The following TMEM245 variants were observed in gnomAD, a reference collection of about 807,000 sequenced individuals.
TMEM245 encodes transmembrane protein 245.
Under a neutral mutation model 101.2 loss-of-function variants are expected in TMEM245, and 69 were observed. That is an observed-to-expected ratio of 0.68 (90% confidence interval 0.56 to 0.83). TMEM245 has a LOEUF of 0.83. Among genes scored for constraint, TMEM245 ranks in the 40% least tolerant of loss-of-function variants. The pLI is 0.00. For synonymous variants in TMEM245, 537 were observed against 449.8 expected (o/e 1.19, Z -2.45); for missense variants, 1,075 against 1,092.8 (o/e 0.98, Z 0.23).
intron 17 of TMEM245, among the ~76,000 whole-genome samples, chr9:109,026,548 G>A (rs1053660727): frequency 2.6e-5 from 4 of 151,428 alleles, no homozygotes; most frequent in Non-Finnish European, 4.4e-5. Context: ...AAGCCAGTGC[G>A]GCTGCACCTC....
intron 14 of TMEM245, among the ~76,000 whole-genome samples, chr9:109,049,513 C>A (rs1828607935): frequency 6.6e-6 from 1 of 151,752 alleles, no homozygotes; most frequent in Non-Finnish European, 1.5e-5. Context: ...CGCGCCCAGT[C>A]TGTTTTTTTG....
Position 109,033,333 on chromosome 9 carries a change from C to A in TMEM245, c.2568G>T (p.Gln856His). ...GCTGAGGCTGAGCAGGCCATGGGGTCTGGTTTGGCGTGGGAACTGAATTCG... is the reference window on the plus strand; with the variant it reads ...GCTGAGGCTGAGCAGGCCATGGGGTATGGTTTGGCGTGGGAACTGAATTCG... Reference protein sequence around the residue: ...SPTNSVPTPNQTPWPAQPQRT... With the variant: ...SPTNSVPTPNHTPWPAQPQRT... Residue 856 changes from glutamine (Q) to histidine (H), a missense_variant, in exon 17 of 18, where the codon CAG (glutamine) becomes CAT (histidine). Gln to His is a conservative substitution (Grantham distance 24). Around this residue, in one of 2 missense-constraint regions of TMEM245, gnomAD observed 267 missense variants for 351.3 expected, o/e 0.76. Transcript: ENST00000374586. 2 of 1,612,112 alleles carry A rather than the reference C, an allele frequency of 1.2e-6. No individual in the cohort carries two copies. The highest frequency in any genetic ancestry group is 1.7e-6 in the Non-Finnish European group (2 of 1,179,114).
intron 7 of TMEM245, among the ~76,000 whole-genome samples, chr9:109,085,455 T>C (rs1052285835): frequency 4.6e-5 from 7 of 152,288 alleles, no homozygotes; most frequent in African/African-American, 1.7e-4. Context: ...AAACACAAAA[T>C]TCGATGTCAC....
At chr9:109,103,064 T>C (rs1252927136) in intron 3 of TMEM245, among the ~76,000 whole-genome samples, 1 of 152,236 alleles carries the variant, frequency 6.6e-6, no homozygotes, top group Non-Finnish European at 1.5e-5. Context: ...AAATAATCTT[T>C]AAAAGCACAT....
In TMEM245 at chr9:109,119,548, G is replaced by A. The variant is rs767596481; in HGVS notation, c.366C>T (p.Ala122=). The A allele has an allele frequency of 6.5e-7, 1 of 1,533,830 alleles. No individual in the cohort carries two copies. The highest frequency in any genetic ancestry group is 1.2e-5 in the South Asian group (1 of 83,550). ...LHRAHTPIVL[A]ALLLPLCFVD... is the part of the protein sequence containing the mutation. ...CGAAGCAGAGCGGCAGGAGCAGCGC[G>A]GCCAGGACGATGGGCGTGTGCGCGC... Residue 122 remains alanine (A), a synonymous_variant, in exon 1 of 18, where the codon GCC becomes GCT. Coordinates refer to ENST00000374586, the MANE Select transcript of TMEM245 (RefSeq NM_032012.4).
intron 5 of TMEM245, among the ~76,000 whole-genome samples, chr9:109,088,076 T>C (rs1829892432): frequency 6.6e-6 from 1 of 152,200 alleles, no homozygotes; most frequent in African/African-American, 2.4e-5. Flanking sequence ...AAGAAGGTGG[T>C]AGGGCCAGAA....
intron 17 of TMEM245, among the ~76,000 whole-genome samples, chr9:109,032,807 C>CTTTTTTTTT: frequency 8.1e-6 from 1 of 123,162 alleles, no homozygotes; most frequent in Non-Finnish European, 1.7e-5. Flanking sequence ...CAATATAGGT[C>CTTTTTTTTT]TTTTTTTTTT....
chr9:109,085,104 A>G (rs1192021314), intron 7 of TMEM245, among the ~76,000 whole-genome samples: 2 of 152,184 alleles, frequency 1.3e-5, no homozygotes, highest in Non-Finnish European at 2.9e-5. Context: ...CTAGAGATTC[A>G]TTGAAATTAT....
chr9:109,101,023 A>G (rs1343576468), intron 3 of TMEM245, among the ~76,000 whole-genome samples: 1 of 152,148 alleles, frequency 6.6e-6, no homozygotes, highest in Non-Finnish European at 1.5e-5. Flanking sequence ...CGGAGGTGGG[A>G]GCACTGCTTG....
intron 3 of TMEM245, among the ~76,000 whole-genome samples, chr9:109,099,498 T>A (rs1247172775): frequency 6.6e-6 from 1 of 152,206 alleles, no homozygotes; most frequent in Non-Finnish European, 1.5e-5. Flanking sequence ...AGGCTGGGTA[T>A]CCAGGCTATT....
chr9:109,092,154 A>C (rs945378996), intron 4 of TMEM245, among the ~76,000 whole-genome samples: 1 of 152,142 alleles, frequency 6.6e-6, no homozygotes, highest in Non-Finnish European at 1.5e-5. Flanking sequence ...GCTCCACCAG[A>C]GCTAAGACCT....
At position 109,015,379 on chromosome 9, in the gene TMEM245, A is replaced by G. The variant is rs1827406060; in HGVS notation, c.*5081T>C. The G allele has an allele frequency of 6.6e-6, 1 of 152,324 alleles. No individual in the cohort carries two copies. The highest frequency in any genetic ancestry group is 2.1e-4 in the South Asian group (1 of 4,828). 9.4% of individuals were successfully genotyped at this position (152,324 alleles called of 1,614,324 possible). A position where few individuals can be genotyped will look rare whatever the true frequency, so the allele number is the denominator to read the frequency against. On this transcript the variant is annotated 3_prime_UTR_variant, in exon 18 of 18. Coordinates refer to ENST00000374586, the MANE Select transcript of TMEM245 (RefSeq NM_032012.4). The stretch of plus-strand genomic sequence containing the variant: ...GTTATGTAAGCAATTACAACTCTAT[A>G]TCAAATCTTAGTTCAAAATCAAATT...
At chr9:109,041,285 C>A (rs375732395) in intron 14 of TMEM245, among the ~76,000 whole-genome samples, 19 of 151,830 alleles carry the variant, frequency 1.3e-4, no homozygotes, top group Non-Finnish European at 1.6e-4. Context: ...ACTATTCAGC[C>A]CCCCCAAAAG....
At position 109,024,147 on chromosome 9, in the gene TMEM245, G is replaced by C. The variant is rs139899021; in HGVS notation, c.2595-3642C>G. Reference sequence around the variant, plus strand: ...TCCTAGACAGGCAGAGTTAAGTTATGGATGCCTGAAAGTTGTAACTAACTA... The same window carrying C: ...TCCTAGACAGGCAGAGTTAAGTTATCGATGCCTGAAAGTTGTAACTAACTA... On this transcript the variant is annotated intron_variant, in intron 17 of 17. Transcript: ENST00000374586. Among the ~76,000 whole-genome samples the C allele has an allele frequency of 2.0e-5, 3 of 152,256 alleles. No homozygotes were observed. The East Asian group carries it at 5.8e-4, about 29-fold the overall frequency.
chr9:109,093,407 T>G (rs777167005), intron 4 of TMEM245, 68 bp downstream of exon 4: 2 of 1,359,182 alleles, frequency 1.5e-6, no homozygotes, highest in Non-Finnish European at 2.1e-6. Context: ...GCTGGTGTCC[T>G]GAATTTTACT....
rs565800398 is a variant in TMEM245, at chr9:109,060,732, GA to G, written c.1624-281del. Reference sequence around the variant, plus strand: ...TGGTGCAAATGAAGCCATGATTGCTGACTTATCTGATCTTACCTGTCCAGAG... The same window carrying G: ...TGGTGCAAATGAAGCCATGATTGCTGCTTATCTGATCTTACCTGTCCAGAG... On this transcript the variant is annotated intron_variant, in intron 10 of 17. Coordinates refer to ENST00000374586, the MANE Select transcript of TMEM245 (RefSeq NM_032012.4). Among the ~76,000 whole-genome samples, 24 of 152,254 alleles carry G rather than the reference GA, an allele frequency of 1.6e-4. No homozygotes were observed. The South Asian group carries it at 5.0e-3, about 32-fold the overall frequency.
intron 1 of TMEM245, among the ~76,000 whole-genome samples, chr9:109,115,128 C>A (rs1408359038): frequency 1.3e-5 from 2 of 152,088 alleles, no homozygotes; most frequent in Non-Finnish European, 2.9e-5. Flanking sequence ...AGGTGGATCA[C>A]CTGAGGTCAG....
At chr9:109,041,778 T>C (rs1159762221) in intron 14 of TMEM245, among the ~76,000 whole-genome samples, 1 of 152,090 alleles carries the variant, frequency 6.6e-6, no homozygotes, top group African/African-American at 2.4e-5. Flanking sequence ...ATTAGCTTGA[T>C]TTAACCATTT....
chr9:109,029,430 A>G (rs528900386), intron 17 of TMEM245, among the ~76,000 whole-genome samples: 1 of 152,330 alleles, frequency 6.6e-6, no homozygotes, highest in East Asian at 1.9e-4. Flanking sequence ...AAATAATAAA[A>G]ATTGCTTCAG....
Sources: gnomAD v4.1 joint callset for allele counts (sites outside exome capture counted in the v4.1 genomes callset) on GRCh38, gnomAD v4.1.1 for gene constraint, gnomAD v4.1.1 regional missense constraint, MANE v1.5 for transcripts, NCBI Gene and HGNC (gene_info 2026-07-23, HGNC 2026-07-21) for gene names.